WASF2: variants seen among roughly 807,000 people sequenced by gnomAD.
The protein encoded by WASF2 is WASP family member 2, also known as actin-binding protein WASF2.
In WASF2, 14 loss-of-function variants were observed where a neutral mutation model predicts 45.0. The observed-to-expected ratio is 0.31, with a 90% confidence interval of 0.21 to 0.49. WASF2 has a LOEUF of 0.49. Among genes scored for constraint, WASF2 ranks in the 20% least tolerant of loss-of-function variants. The pLI is 0.99. For synonymous variants in WASF2, 200 were observed against 236.3 expected (o/e 0.85, Z 1.41); for missense variants, 439 against 636.1 (o/e 0.69, Z 3.33).
intron 2 of WASF2, among the ~76,000 whole-genome samples, chr1:27,423,416 C>A (rs954804193): frequency 1.3e-5 from 2 of 152,178 alleles, no homozygotes; most frequent in Non-Finnish European, 2.9e-5. Flanking sequence ...GAACTCCCAA[C>A]CTCAAGTGAT....
rs1387749882 is a variant in WASF2 at position 27,477,906 on chromosome 1, AAAAATAAATAAAT to A, written c.-44+12067_-44+12079del. Among the ~76,000 whole-genome samples the A allele has an allele frequency of 6.0e-5, 6 of 100,692 alleles. 1 individual carries two copies. Among genetic ancestry groups the A allele is most frequent in the African/African-American group, 3.1e-4 (5 of 16,118 alleles). 66.1% of individuals were successfully genotyped at this position (100,692 alleles called of 152,430 possible). On this transcript the variant is annotated intron_variant, in intron 1 of 8. Transcript: ENST00000618852. Reference sequence around the variant, plus strand: ...AGAGCGAGACTCCGTCTCAAAAAAAAAAAATAAATAAATAAAAAAAAAAATAAAAATAAATAAA... The same window carrying A: ...AGAGCGAGACTCCGTCTCAAAAAAAAAAAAAAAAAAATAAAAATAAATAAA...
intron 1 of WASF2, among the ~76,000 whole-genome samples, chr1:27,465,031 A>G (rs1049386876): frequency 6.6e-6 from 1 of 152,140 alleles, no homozygotes. Context: ...TTATTTCCGA[A>G]AGCAGCAGGA....
intron 1 of WASF2, among the ~76,000 whole-genome samples, chr1:27,488,107 C>G (rs2017971386): frequency 6.6e-6 from 1 of 152,000 alleles, no homozygotes; most frequent in Non-Finnish European, 1.5e-5. Context: ...GAATTTCAAA[C>G]AAAGAAATAC....
At chr1:27,470,397 AG>A (rs1162408349) in intron 1 of WASF2, among the ~76,000 whole-genome samples, 1 of 152,202 alleles carries the variant, frequency 6.6e-6, no homozygotes, top group African/African-American at 2.4e-5. Context: ...TCAAGGCAAA[AG>A]GTAACACAGG....
At chr1:27,465,214 A>G (rs1006193644) in intron 1 of WASF2, among the ~76,000 whole-genome samples, 1 of 152,246 alleles carries the variant, frequency 6.6e-6, no homozygotes, top group African/African-American at 2.4e-5. Context: ...AAGTTGAGAT[A>G]TATTCAGAAC....
Position 27,408,122 on chromosome 1 carries a change from T to C in WASF2, c.*67A>G. On this transcript the variant is annotated 3_prime_UTR_variant, in exon 9 of 9. Transcript: ENST00000618852. ...CCCTTTTCTCCCCCTACGGGTCTGTTGGGGTTGGCATCAAAGAAGGCAGGT... is the reference window on the plus strand; with the variant it reads ...CCCTTTTCTCCCCCTACGGGTCTGTCGGGGTTGGCATCAAAGAAGGCAGGT... 1.3e-6 allele frequency: 2 copies of C among 1,562,682 alleles called. No individual in the cohort carries two copies. Among genetic ancestry groups the C allele is most frequent in the South Asian group, 2.3e-5 (2 of 85,316 alleles).
At chr1:27,482,958 T>C (rs556102636) in intron 1 of WASF2, among the ~76,000 whole-genome samples, 8 of 152,160 alleles carry the variant, frequency 5.3e-5, no homozygotes, top group South Asian at 2.1e-4. Context: ...GGGGGTGCTA[T>C]TGGCAACCAG....
At chr1:27,474,735 G>A (rs1400897009) in intron 1 of WASF2, among the ~76,000 whole-genome samples, 1 of 151,606 alleles carries the variant, frequency 6.6e-6, no homozygotes, top group Non-Finnish European at 1.5e-5. Flanking sequence ...TCATGCCACT[G>A]CCCTCCAGCT....
intron 1 of WASF2, 88 bp from the exon 2 acceptor site, chr1:27,429,021 G>A (rs78286032): frequency 5.9e-6 from 6 of 1,008,476 alleles, no homozygotes; most frequent in Non-Finnish European, 8.4e-6. Context: ...TTTTTTTTTG[G>A]TCTTACCCTG....
intron 1 of WASF2, among the ~76,000 whole-genome samples, chr1:27,456,836 A>T (rs1051589718): frequency 1.3e-5 from 2 of 151,644 alleles, no homozygotes; most frequent in Admixed American, 6.6e-5. Context: ...CACGGGTTCA[A>T]GTGATTCTCC....
In WASF2 at chr1:27,406,361, C is replaced by G. The variant is rs778844677; in HGVS notation, c.*1828G>C. 6.5e-6 allele frequency: 1 copy of G among 152,752 alleles called. No homozygotes were observed. The allele number at this position is 152,752 out of a possible 1,614,324, so 9.5% of individuals were successfully genotyped here. A position where few individuals can be genotyped will look rare whatever the true frequency, so the allele number is the denominator to read the frequency against. The stretch of plus-strand genomic sequence containing the variant: ...GGCCACAGCAAGACGGCATGCTGTC[C>G]CCTACAGGCTCAGTCCCCACACCCT... On this transcript the variant is annotated 3_prime_UTR_variant, in exon 9 of 9. Coordinates refer to ENST00000618852, the MANE Select transcript of WASF2 (RefSeq NM_006990.5).
intron 1 of WASF2, among the ~76,000 whole-genome samples, chr1:27,481,688 C>T (rs562605822): frequency 6.6e-6 from 1 of 151,798 alleles, no homozygotes; most frequent in East Asian, 1.9e-4. Context: ...CGGGCCATTG[C>T]ACTCCAGCCT....
At chr1:27,459,552 C>T (rs962044026) in intron 1 of WASF2, 11 of 151,540 alleles carry the variant, frequency 7.3e-5, no homozygotes, top group Admixed American at 6.6e-4. Flanking sequence ...GAAATTTAAA[C>T]AGCTTTGAAC....
chr1:27,448,958 A>G (rs1158520765), intron 1 of WASF2, among the ~76,000 whole-genome samples: 1 of 150,802 alleles, frequency 6.6e-6, no homozygotes, highest in Non-Finnish European at 1.5e-5. Context: ...AGACCTTCCC[A>G]TCACACCCCA....
At position 27,438,394 on chromosome 1, in the gene WASF2, G is replaced by C. The variant is rs145418815; in HGVS notation, c.-43-9461C>G. On this transcript the variant is annotated intron_variant, in intron 1 of 8. Coordinates refer to ENST00000618852, the MANE Select transcript of WASF2 (RefSeq NM_006990.5). ...GAAGAGGAAGGAGATAATAAGAGCT[G>C]AACTGCACATCAGGCACTAAGTCTC... 2.4e-3 allele frequency among the ~76,000 whole-genome samples: 369 copies of C among 152,304 alleles called. 1 individual carries two copies. Among genetic ancestry groups the C allele is most frequent in the African/African-American group, 8.3e-3 (344 of 41,570 alleles).
intron 6 of WASF2, among the ~76,000 whole-genome samples, chr1:27,413,191 C>T (rs1234916917): frequency 2.0e-5 from 3 of 152,168 alleles, no homozygotes; most frequent in Non-Finnish European, 4.4e-5. Flanking sequence ...GCCAAGGAGG[C>T]ACTGGATTGC....
chr1:27,469,866 C>T (rs565463898), intron 1 of WASF2, among the ~76,000 whole-genome samples: 14 of 151,948 alleles, frequency 9.2e-5, no homozygotes, highest in African/African-American at 2.9e-4. Context: ...CACTTGATCC[C>T]GAGAGGCAGA....
At chr1:27,416,532 G>C (rs185721220) in intron 4 of WASF2, among the ~76,000 whole-genome samples, 170 of 152,288 alleles carry the variant, frequency 1.1e-3, no homozygotes, top group African/African-American at 3.9e-3. Context: ...CCACCCACTG[G>C]AAACCTGTGT....
Position 27,416,135 on chromosome 1 carries a change from T to C in WASF2, c.420-33A>G, listed in dbSNP as rs145474717. The C allele has an allele frequency of 2.5e-5, 39 of 1,578,720 alleles. No individual in the cohort carries two copies. The African/African-American group carries it at 3.8e-4, about 15-fold the overall frequency. ...AGAAATGAAGACAAGTAGCTGTCAGTAGACAGATGAGCTCCCAACCAAATC... is the reference window on the plus strand; with the variant it reads ...AGAAATGAAGACAAGTAGCTGTCAGCAGACAGATGAGCTCCCAACCAAATC... On this transcript the variant is annotated intron_variant, in intron 4 of 8. Transcript: ENST00000618852.
Sources: allele counts gnomAD v4.1 joint callset (sites outside exome capture counted in the v4.1 genomes callset), GRCh38; gene constraint gnomAD v4.1.1; transcripts MANE v1.5; gene names NCBI Gene and HGNC (gene_info 2026-07-23, HGNC 2026-07-21).